MIF4GD: variants seen among roughly 807,000 people sequenced by gnomAD.
MIF4GD encodes MIF4G domain-containing protein.
MIF4GD carries 22 observed loss-of-function variants against 26.7 expected under a neutral mutation model. The observed-to-expected ratio is 0.82, with a 90% CI of 0.59 to 1.18. MIF4GD has a LOEUF of 1.18. MIF4GD is among the 50% of genes most tolerant of loss of function. The pLI, the probability that MIF4GD is intolerant of heterozygous loss-of-function variation, is 0.00. For missense variants in MIF4GD, 262 were observed against 279.6 expected (o/e 0.94, Z 0.45); for synonymous variants, 137 against 111.6 (o/e 1.23, Z -1.43).
At chr17:75,269,514 G>T (rs763757412) in intron 2 of MIF4GD, 1 of 1,559,226 alleles carries the variant, frequency 6.4e-7, no homozygotes, top group Admixed American at 2.1e-5. Flanking sequence ...AGCGCTTCAA[G>T]GGCAGGAGCC....
rs1201091995 is a variant in MIF4GD at position 75,267,773 on chromosome 17, A to G, written c.321T>C (p.Phe107=). Residue 107 remains phenylalanine (F), a synonymous_variant, in exon 4 of 6, where the codon TTT becomes TTC. Coordinates refer to ENST00000325102, the MANE Select transcript of MIF4GD (RefSeq NM_001370592.1). ...TCAGGTAGTCAAAGATGTTGCAGAT[A>G]AAGGTGACATAGCAGACCCAGCCCT... The part of the protein sequence containing the change: ...SLQGWVCYVT[F]ICNIFDYLRV... 3.7e-6 allele frequency: 6 copies of G among 1,613,850 alleles called. No individual in the cohort carries two copies. The highest frequency in any genetic ancestry group is 2.2e-5 in the South Asian group (2 of 91,072).
chr17:75,268,671 CAAAAAAA>C (rs1192409186), intron 2 of MIF4GD, among the ~76,000 whole-genome samples: 2 of 47,844 alleles, frequency 4.2e-5, no homozygotes, highest in African/African-American at 7.1e-5. Context: ...GACTCCGTCT[CAAAAAAA>C]AAAAAAAAAA....
chr17:75,268,158 A>G lies in MIF4GD; in HGVS notation c.117T>C (p.Asn39=), dbSNP rs781116860. The change falls in exon 3 of 6, where the codon AAT becomes AAC. Residue 39 remains asparagine (N), a synonymous_variant. Coordinates refer to ENST00000325102, the MANE Select transcript of MIF4GD (RefSeq NM_001370592.1). ...CCTGCAGAGAATGGTCCACAATCAC[A>G]TTGGCCACTTTCTCCAAGTCCACAG... ...PGAVDLEKVA[N]VIVDHSLQDC... The G allele has an allele frequency of 5.5e-5, 89 of 1,614,076 alleles. 3 individuals are homozygous for G. The South Asian group carries it at 9.4e-4, about 17-fold the overall frequency.
chr17:75,270,112 AC>A lies in MIF4GD; in HGVS notation c.82+1del. 1 of 1,613,658 alleles carries A rather than the reference AC, an allele frequency of 6.2e-7. No homozygotes were observed. Among genetic ancestry groups the A allele is most frequent in the South Asian group, 1.1e-5 (1 of 91,072 alleles). ...CCAGCTCAGGAGGGGTCCCGTGCTC[AC>A]CTTTGAGTGCTGTCTTCAGCAGCTG... On this transcript the variant is annotated splice_donor_variant, in intron 2 of 5. Coordinates refer to ENST00000325102, the MANE Select transcript of MIF4GD (RefSeq NM_001370592.1). LOFTEE classifies it high-confidence loss of function. The surrounding 1 kb of genome is among the most constrained non-coding windows in gnomAD (Gnocchi z 5.7).
Position 75,267,671 on chromosome 17 carries a change from C to T in MIF4GD, c.349-41G>A, listed in dbSNP as rs200202775. 396 of 1,613,688 alleles carry T rather than the reference C, an allele frequency of 2.5e-4. No individual in the cohort carries two copies. In the African/African-American group the frequency reaches 4.8e-3, roughly 19 times the overall value. On this transcript the variant is annotated intron_variant, in intron 4 of 5. Transcript: ENST00000325102. The stretch of plus-strand genomic sequence containing the variant: ...GGGGTCAGAGCACCAGGCTTAGTGG[C>T]CAAGGGGAGCAGTCCAACCTGGGCC...
Position 75,269,580 on chromosome 17 carries a change from A to G in MIF4GD, c.82+534T>C, listed in dbSNP as rs1339816547. On this transcript the variant is annotated intron_variant, in intron 2 of 5. Transcript: ENST00000325102. Reference sequence around the variant, plus strand: ...TTTTTTTTTTTTTTTTTTTTTTTTGAGACAGGGTCTCGCTCTGTAGCCAGG... The same window carrying G: ...TTTTTTTTTTTTTTTTTTTTTTTTGGGACAGGGTCTCGCTCTGTAGCCAGG... 15 of 609,644 alleles carry G rather than the reference A, an allele frequency of 2.5e-5. No individual in the cohort carries two copies. In the East Asian group the frequency reaches 4.6e-4, roughly 19 times the overall value. The allele number at this position is 609,644 out of a possible 1,614,324, so 37.8% of individuals were successfully genotyped here.
rs757993469 is a variant in MIF4GD, at chr17:75,266,770, G to A, written c.639C>T (p.His213=). Residue 213 remains histidine, a synonymous_variant, in exon 6 of 6, where the codon CAC becomes CAT. Coordinates refer to ENST00000325102, the MANE Select transcript of MIF4GD (RefSeq NM_001370592.1). ...AAGWKTTPAA[H]KYYYSEVSD Reference sequence around the variant, plus strand: ...CGGAGACTTCGCTGTAGTAATACTTGTGGGCAGCTGGCGTTGTCTTCCAGC... The same window carrying A: ...CGGAGACTTCGCTGTAGTAATACTTATGGGCAGCTGGCGTTGTCTTCCAGC... The A allele has an allele frequency of 4.3e-6, 7 of 1,614,106 alleles. No homozygotes were observed. The highest frequency in any genetic ancestry group is 4.0e-5 in the African/African-American group (3 of 74,938).
At position 75,267,530 on chromosome 17, in the gene MIF4GD, C is replaced by T. The variant is rs768100077; in HGVS notation, c.441+8G>A. 4.3e-6 allele frequency: 7 copies of T among 1,613,898 alleles called. No individual in the cohort carries two copies. The highest frequency in any genetic ancestry group is 5.9e-6 in the Non-Finnish European group (7 of 1,179,888). On this transcript the variant is annotated splice_region_variant and intron_variant, in intron 5 of 5. Transcript: ENST00000325102. Reference sequence around the variant, plus strand: ...TTCTGTGCTTGTGCCAGGGCTGGGGCCACCCACCTCCTCCTCCTTGCTCAA... The same window carrying T: ...TTCTGTGCTTGTGCCAGGGCTGGGGTCACCCACCTCCTCCTCCTTGCTCAA...
Position 75,268,084 on chromosome 17 carries a change from T to C in MIF4GD, c.191A>G (p.Gln64Arg). 6.2e-7 allele frequency: 1 copy of C among 1,614,086 alleles called. No individual in the cohort carries two copies. Residue 64 changes from glutamine to arginine, a missense_variant and splice_region_variant, in exon 3 of 6, where the codon CAG becomes CGG. Coordinates refer to ENST00000325102, the MANE Select transcript of MIF4GD (RefSeq NM_001370592.1). ...EAGRMCYAII[Q>R]AESKQAGQSV... ...TCCTTTCCTCTCCCAACCCCCAACC[T>C]GAATGATGGCGTAGCACATGCGTCC...
chr17:75,266,627 ACACT>A lies in MIF4GD; in HGVS notation c.*109_*112del. 1.1e-6 allele frequency: 1 copy of A among 942,762 alleles called. No homozygotes were observed. The highest frequency in any genetic ancestry group is 1.7e-6 in the Non-Finnish European group (1 of 593,252). The allele number at this position is 942,762 out of a possible 1,614,324, so 58.4% of individuals were successfully genotyped here. On this transcript the variant is annotated 3_prime_UTR_variant, in exon 6 of 6. Transcript: ENST00000325102. ...GAGATGGGAAAGTCTAGAAGGGAAG[ACACT>A]CAAAGTCTGGAAGGGAAAAGTCTTT...
chr17:75,271,287 CG>C (rs2077727548), upstream of MIF4GD: 3 of 151,710 alleles, frequency 2.0e-5, no homozygotes, highest in African/African-American at 7.2e-5. The surrounding 1 kb of genome is among the most constrained non-coding windows in gnomAD (Gnocchi z 4.2). Context: ...CGCCACCTGC[CG>C]GGCCCCCGGG....
chr17:75,267,092 C>A, intron 5 of MIF4GD, 125 bp from the exon 6 acceptor site: 1 of 766,568 alleles, frequency 1.3e-6, no homozygotes, highest in Non-Finnish European at 2.2e-6. Context: ...TCCTTACCAT[C>A]CAGTGGGTAC....
At position 75,268,119 on chromosome 17, in the gene MIF4GD, G is replaced by C. The variant is rs778529624; in HGVS notation, c.156C>G (p.Ser52Arg). Residue 52 changes from serine to arginine, a missense_variant, in exon 3 of 6, where the codon AGC becomes AGG. Physicochemically the swap from Ser to Arg is moderately radical, Grantham distance 110. Coordinates refer to ENST00000325102, the MANE Select transcript of MIF4GD (RefSeq NM_001370592.1). The stretch of plus-strand genomic sequence containing the variant: ...CGTAGCACATGCGTCCTGCTTCCTT[G>C]CTGAACACACAGTCCTGCAGAGAAT... The part of the protein sequence containing the change: ...VDHSLQDCVF[S>R]KEAGRMCYAI... 129 of 1,614,056 alleles carry C rather than the reference G, an allele frequency of 8.0e-5. No homozygotes were observed. The highest frequency in any genetic ancestry group is 9.8e-5 in the Non-Finnish European group (116 of 1,180,030).
At position 75,270,294 on chromosome 17, in the gene MIF4GD, G is replaced by C; in HGVS notation, c.-50-49C>G. On this transcript the variant is annotated intron_variant, in intron 1 of 5. Coordinates refer to ENST00000325102, the MANE Select transcript of MIF4GD (RefSeq NM_001370592.1). The surrounding 1 kb of genome is among the most constrained non-coding windows in gnomAD (Gnocchi z 5.7). ...CGGCCTCAGGTGTGGAGCGCAGGGC[G>C]GGTTCCGTCCTGCAGGCCCTGGACG... 9.1e-7 allele frequency: 1 copy of C among 1,103,386 alleles called. No individual in the cohort carries two copies. The highest frequency in any genetic ancestry group is 1.3e-5 in the South Asian group (1 of 79,742). 68.3% of individuals were successfully genotyped at this position (1,103,386 alleles called of 1,614,324 possible). A position where few individuals can be genotyped will look rare whatever the true frequency, so the allele number is the denominator to read the frequency against.
In MIF4GD at chr17:75,270,187, C is replaced by T. The variant is rs760291755; in HGVS notation, c.9G>A (p.Glu3=). 2 of 1,613,948 alleles carry T rather than the reference C, an allele frequency of 1.2e-6. No homozygotes were observed. Among genetic ancestry groups the T allele is most frequent in the Non-Finnish European group, 1.7e-6 (2 of 1,179,840 alleles). The part of the protein sequence containing the change: MG[E]PSREEYKIQS... ...GGATTTTATACTCCTCTCTACTGGGCTCCCCCATGACTAGCCAGCCCCGGT... is the reference window on the plus strand; with the variant it reads ...GGATTTTATACTCCTCTCTACTGGGTTCCCCCATGACTAGCCAGCCCCGGT... Residue 3 remains glutamate (E), a synonymous_variant, in exon 2 of 6, where the codon GAG becomes GAA. Transcript: ENST00000325102. This position sits in a 1 kb window ranked among gnomAD's most constrained non-coding sequence, Gnocchi z 5.7.
chr17:75,270,301 G>C lies in MIF4GD; in HGVS notation c.-50-56C>G. ...AGGTGTGGAGCGCAGGGCGGGTTCC[G>C]TCCTGCAGGCCCTGGACGGGGCTGA... On this transcript the variant is annotated intron_variant, in intron 1 of 5. Transcript: ENST00000325102. This position sits in a 1 kb window ranked among gnomAD's most constrained non-coding sequence, Gnocchi z 5.7. 2 of 1,004,894 alleles carry C rather than the reference G, an allele frequency of 2.0e-6. No individual in the cohort carries two copies. Among genetic ancestry groups the C allele is most frequent in the Non-Finnish European group, 3.1e-6 (2 of 641,848 alleles). The allele number at this position is 1,004,894 out of a possible 1,614,324, so 62.2% of individuals were successfully genotyped here. A position where few individuals can be genotyped will look rare whatever the true frequency, so the allele number is the denominator to read the frequency against.
At position 75,267,778 on chromosome 17, in the gene MIF4GD, T is replaced by G. The variant is rs748899161; in HGVS notation, c.316A>C (p.Thr106Pro). The change falls in exon 4 of 6, where the codon ACC (threonine) becomes CCC (proline). Residue 106 changes from threonine (T) to proline (P), a missense_variant. Transcript: ENST00000325102. ...TAGTCAAAGATGTTGCAGATAAAGGTGACATAGCAGACCCAGCCCTGCAGG... is the reference window on the plus strand; with the variant it reads ...TAGTCAAAGATGTTGCAGATAAAGGGGACATAGCAGACCCAGCCCTGCAGG... ...RSLQGWVCYV[T>P]FICNIFDYLR... The G allele has an allele frequency of 3.7e-6, 6 of 1,613,724 alleles. No homozygotes were observed. Among genetic ancestry groups the G allele is most frequent in the Non-Finnish European group, 5.1e-6 (6 of 1,179,894 alleles).
chr17:75,270,169 A>G lies in MIF4GD; in HGVS notation c.27T>C (p.Tyr9=). The G allele has an allele frequency of 6.2e-7, 1 of 1,614,010 alleles. No individual in the cohort carries two copies. The highest frequency in any genetic ancestry group is 8.5e-7 in the Non-Finnish European group (1 of 1,179,944). ...TCTCTGCATCAAAGGACTGGATTTT[A>G]TACTCCTCTCTACTGGGCTCCCCCA... is the stretch of plus-strand genomic sequence containing the variant. The part of the protein sequence containing the change: MGEPSREE[Y]KIQSFDAETQ... The change falls in exon 2 of 6, where the codon TAT becomes TAC. Residue 9 remains tyrosine (Y), a synonymous_variant. Coordinates refer to ENST00000325102, the MANE Select transcript of MIF4GD (RefSeq NM_001370592.1). This position sits in a 1 kb window ranked among gnomAD's most constrained non-coding sequence, Gnocchi z 5.7.
At chr17:75,269,546 AAC>A in intron 2 of MIF4GD, 1 of 877,160 alleles carries the variant, frequency 1.1e-6, no homozygotes, top group African/African-American at 2.1e-5. Context: ...TTTATGGTTA[AAC>A]TTTTTTTTTT....
Sources: gnomAD v4.1 joint callset for allele counts (sites outside exome capture counted in the v4.1 genomes callset) on GRCh38, gnomAD v4.1.1 for gene constraint, Gnocchi (gnomAD v3.1) non-coding constraint, MANE v1.5 for transcripts, NCBI Gene and HGNC (gene_info 2026-07-23, HGNC 2026-07-21) for gene names.